Variants in MMP26 observed in about 807,000 individuals in gnomAD.
MMP26 encodes matrix metallopeptidase 26.
Under a neutral mutation model 31.0 loss-of-function variants are expected in MMP26, and 33 were observed. That is an observed-to-expected ratio of 1.06 (90% CI 0.81 to 1.42). The LOEUF (loss-of-function observed/expected upper bound fraction) is 1.42, where lower values mean the gene tolerates loss of function less well. Among genes scored for constraint, MMP26 ranks in the 40% most tolerant of loss-of-function variants. The probability of loss-of-function intolerance (pLI) is 0.00; values close to 1 mark genes in which losing one functional copy is unlikely to be tolerated. For missense variants in MMP26, 347 were observed against 316.1 expected (o/e 1.10, Z -0.74); for synonymous variants, 122 against 114.9 (o/e 1.06, Z -0.40).
chr11:4,959,841 C>T (rs1846496252), intron 2 of MMP26, among the ~76,000 whole-genome samples: 1 of 152,114 alleles, frequency 6.6e-6, no homozygotes, highest in Non-Finnish European at 1.5e-5. Context: ...TTTCTCCATT[C>T]CTCTTTTTCT....
intron 1 of MMP26, among the ~76,000 whole-genome samples, chr11:4,740,404 C>T (rs903981272): frequency 6.6e-6 from 1 of 152,074 alleles, no homozygotes; most frequent in African/African-American, 2.4e-5. Flanking sequence ...TATTTTGGGG[C>T]TGGGGGCGGT....
At chr11:4,928,059 G>T (rs925562673) in intron 2 of MMP26, among the ~76,000 whole-genome samples, 7 of 152,014 alleles carry the variant, frequency 4.6e-5, no homozygotes, top group African/African-American at 1.7e-4. Context: ...AGGGTCGAGG[G>T]GGGAGAGAGA....
chr11:4,861,228 T>C (rs1248696801), intron 2 of MMP26, among the ~76,000 whole-genome samples: 1 of 150,212 alleles, frequency 6.7e-6, no homozygotes, highest in Non-Finnish European at 1.5e-5. Flanking sequence ...TATATACATA[T>C]AGAAGTATAT....
intron 2 of MMP26, among the ~76,000 whole-genome samples, chr11:4,811,056 A>G (rs925302471): frequency 5.3e-5 from 8 of 152,208 alleles, no homozygotes; most frequent in Non-Finnish European, 8.8e-5. Context: ...TTTTTCATCT[A>G]TCAGCCTACA....
intron 1 of MMP26, among the ~76,000 whole-genome samples, chr11:4,738,968 T>C (rs1302141246): frequency 6.6e-6 from 1 of 152,100 alleles, no homozygotes; most frequent in Non-Finnish European, 1.5e-5. Flanking sequence ...TAGAGTTTTT[T>C]CTAGTCTAGG....
At chr11:4,758,466 G>GAAAAAAAAAAAAAAAA (rs376347621) in intron 1 of MMP26, among the ~76,000 whole-genome samples, 1 of 93,346 alleles carries the variant, frequency 1.1e-5, no homozygotes, top group Non-Finnish European at 2.3e-5. Flanking sequence ...CATCCATTTG[G>GAAAAAAAAAAAAAAAA]AAAAAAAAAA....
At chr11:4,811,012 T>C (rs1460578639) in intron 2 of MMP26, among the ~76,000 whole-genome samples, 2 of 152,180 alleles carry the variant, frequency 1.3e-5, no homozygotes, top group African/African-American at 2.4e-5. Flanking sequence ...ATGTATATGA[T>C]AGATGGTAAT....
intron 2 of MMP26, chr11:4,769,954 T>C: frequency 2.9e-6 from 3 of 1,030,076 alleles, no homozygotes; most frequent in Non-Finnish European, 4.6e-6. Flanking sequence ...CTCACAATGC[T>C]TCCATCCTAT....
chr11:4,936,979 T>G (rs1846124445), intron 2 of MMP26, among the ~76,000 whole-genome samples: 1 of 152,152 alleles, frequency 6.6e-6, no homozygotes. Flanking sequence ...AGAAATAATT[T>G]AACTCTTCTC....
At chr11:4,878,346 T>C (rs1850412965) in intron 2 of MMP26, among the ~76,000 whole-genome samples, 1 of 152,254 alleles carries the variant, frequency 6.6e-6, no homozygotes, top group African/African-American at 2.4e-5. Flanking sequence ...ACATTTATTT[T>C]CTTTTGCCTT....
chr11:4,901,882 GAAAAT>G (rs926221299), intron 2 of MMP26, among the ~76,000 whole-genome samples: 5 of 152,050 alleles, frequency 3.3e-5, no homozygotes, highest in African/African-American at 1.2e-4. Context: ...AATATCCAAA[GAAAAT>G]AAGTATTTTC....
At chr11:4,745,589 A>T (rs1000818792) in intron 1 of MMP26, among the ~76,000 whole-genome samples, 1 of 152,208 alleles carries the variant, frequency 6.6e-6, no homozygotes, top group Non-Finnish European at 1.5e-5. Flanking sequence ...GTCACTATCT[A>T]TGAGGCAACA....
chr11:4,743,433 A>T (rs1848340094), intron 1 of MMP26, among the ~76,000 whole-genome samples: 1 of 152,186 alleles, frequency 6.6e-6, no homozygotes, highest in Admixed American at 6.5e-5. Context: ...TAAGGATTTG[A>T]GCTATGGATA....
At chr11:4,887,655 C>G (rs1175705656) in intron 2 of MMP26, among the ~76,000 whole-genome samples, 1 of 152,012 alleles carries the variant, frequency 6.6e-6, no homozygotes, top group Non-Finnish European at 1.5e-5. Context: ...TCAACATATT[C>G]TGAGTTGTTA....
At chr11:4,767,753 C>G (rs1848650908) in intron 2 of MMP26, among the ~76,000 whole-genome samples, 1 of 152,182 alleles carries the variant, frequency 6.6e-6, no homozygotes, top group South Asian at 2.1e-4. Context: ...CTCTCCAGCA[C>G]ACTGCTGCCC....
At chr11:4,772,121 A>G (rs1439966792) in intron 2 of MMP26, among the ~76,000 whole-genome samples, 1 of 152,176 alleles carries the variant, frequency 6.6e-6, no homozygotes, top group Non-Finnish European at 1.5e-5. Flanking sequence ...AGACAGAGCA[A>G]AAAAGAAACC....
At chr11:4,754,572 A>T (rs1309673557) in intron 1 of MMP26, among the ~76,000 whole-genome samples, 2 of 152,010 alleles carry the variant, frequency 1.3e-5, no homozygotes, top group African/African-American at 4.8e-5. Flanking sequence ...TTAAGTTTTT[A>T]TGATTTCTAC....
intron 2 of MMP26, chr11:4,822,398 A>G (rs369512407): frequency 2.8e-6 from 4 of 1,442,054 alleles, no homozygotes; most frequent in Non-Finnish European, 3.6e-6. Context: ...ATTAGAGATA[A>G]AGCCATTTAT....
At chr11:4,900,150 A>G (rs1199219815) in intron 2 of MMP26, among the ~76,000 whole-genome samples, 2 of 152,180 alleles carry the variant, frequency 1.3e-5, no homozygotes, top group African/African-American at 2.4e-5. Flanking sequence ...GTAGCCCATG[A>G]TACAAGCATG....
Sources: allele counts gnomAD v4.1 joint callset (sites outside exome capture counted in the v4.1 genomes callset), GRCh38; gene constraint gnomAD v4.1.1; transcripts MANE v1.5; gene names NCBI Gene and HGNC (gene_info 2026-07-23, HGNC 2026-07-21).